ARSF: variants seen among roughly 807,000 people sequenced by gnomAD.
ARSF encodes arylsulfatase F.
ARSF carries 33 observed loss-of-function variants against 35.4 expected under a neutral mutation model. The observed-to-expected ratio is 0.93, with a 90% CI of 0.71 to 1.25. ARSF has a LOEUF of 1.25. Ranked by LOEUF, ARSF falls within the 50% of genes most tolerant of loss-of-function variation. The pLI is 0.00. For synonymous variants in ARSF, 222 were observed against 193.1 expected, an observed-to-expected ratio of 1.15 and a Z score of -1.24; for missense variants, 501 against 480.2, an observed-to-expected ratio of 1.04 and a Z score of -0.40.
chrX:3,072,197 T>C (rs1346724569), intron 3 of ARSF, 22 bp downstream of exon 3: 4 of 1,197,685 alleles, frequency 3.3e-6, no homozygotes. Context: ...TCATGGCCAG[T>C]CATACGTTCG....
intron 7 of ARSF, among the ~76,000 whole-genome samples, chrX:3,098,617 C>T (rs2090354976): frequency 9.0e-6 from 1 of 111,083 alleles, no homozygotes; most frequent in South Asian, 3.9e-4. Flanking sequence ...TAAGATGTGC[C>T]TTTCACCTCC....
intron 4 of ARSF, among the ~76,000 whole-genome samples, chrX:3,078,421 A>G (rs1268225546): frequency 9.0e-6 from 1 of 111,129 alleles, no homozygotes; most frequent in African/African-American, 3.3e-5. Flanking sequence ...AACTCAAGCC[A>G]TCTTCCCTCT....
intron 2 of ARSF, among the ~76,000 whole-genome samples, chrX:3,070,415 T>C (rs2090094864): frequency 9.1e-6 from 1 of 109,907 alleles, no homozygotes; most frequent in Admixed American, 9.7e-5. Flanking sequence ...GAAGTTAAGG[T>C]TAAATCCCTT....
At chrX:3,081,351 T>G (rs2090200380) in intron 5 of ARSF, among the ~76,000 whole-genome samples, 1 of 111,829 alleles carries the variant, frequency 8.9e-6, no homozygotes, top group African/African-American at 3.3e-5. Flanking sequence ...TTATTATTTT[T>G]AAAACAGAGG....
At chrX:3,104,843 C>T (rs1284587225) in intron 9 of ARSF, among the ~76,000 whole-genome samples, 2 of 111,961 alleles carry the variant, frequency 1.8e-5, no homozygotes, top group African/African-American at 6.5e-5. Flanking sequence ...GTAAAACTCA[C>T]TCATCTCTAT....
intron 2 of ARSF, among the ~76,000 whole-genome samples, chrX:3,069,482 C>T (rs886661058): frequency 2.4e-4 from 26 of 108,471 alleles, no homozygotes; most frequent in Non-Finnish European, 3.6e-4. Context: ...CACCACCACA[C>T]CCAGTTCATT....
chrX:3,073,825 C>T (rs1425510330), intron 3 of ARSF, among the ~76,000 whole-genome samples: 1 of 103,638 alleles, frequency 9.6e-6, no homozygotes, highest in Non-Finnish European at 2.0e-5. Context: ...ATTCTGTTTC[C>T]TAATTTGGTG....
At chrX:3,091,562 G>A (rs778980805) in intron 7 of ARSF, among the ~76,000 whole-genome samples, 5 of 112,604 alleles carry the variant, frequency 4.4e-5, no homozygotes, top group African/African-American at 9.7e-5. Context: ...ATAGAAAGAC[G>A]CTTTGGAAAA....
chrX:3,087,316 T>C (rs1280220373), intron 6 of ARSF, among the ~76,000 whole-genome samples: 1 of 111,993 alleles, frequency 8.9e-6, no homozygotes, highest in African/African-American at 3.2e-5. Context: ...TATTTAATGT[T>C]CAGAGCTGTG....
Position 3,110,063 on chromosome X carries a change from G to A in ARSF, c.1266-65G>A, listed in dbSNP as rs1357139728. 5 of 1,063,803 alleles carry A rather than the reference G, an allele frequency of 4.7e-6. No individual in the cohort carries two copies. In the Admixed American group the frequency reaches 1.5e-4, roughly 33 times the overall value. 87.7% of individuals were successfully genotyped at this position (1,063,803 alleles called of 1,213,427 possible). ...CGCAGTCTTCACCAAGTACCCTTCA[G>A]GTAGCTTGGGACCCAACGTCCCTTC... On this transcript the variant is annotated intron_variant, in intron 9 of 10. Transcript: ENST00000381127.
At chrX:3,095,528 T>C (rs2090332840) in intron 7 of ARSF, among the ~76,000 whole-genome samples, 1 of 109,426 alleles carries the variant, frequency 9.1e-6, no homozygotes, top group African/African-American at 3.3e-5. Flanking sequence ...ATATATTATG[T>C]ACATGTATAC....
chrX:3,062,076 A>C (rs1203637380), intron 1 of ARSF, among the ~76,000 whole-genome samples: 3 of 112,026 alleles, frequency 2.7e-5, no homozygotes, highest in African/African-American at 9.7e-5. Flanking sequence ...AGCAAATGTA[A>C]AAGAACAGAA....
At chrX:3,073,796 T>C (rs2090127426) in intron 3 of ARSF, among the ~76,000 whole-genome samples, 1 of 103,104 alleles carries the variant, frequency 9.7e-6, no homozygotes, top group Admixed American at 1.1e-4. Flanking sequence ...AATGTGAATA[T>C]GTATATTCAG....
intron 9 of ARSF, among the ~76,000 whole-genome samples, chrX:3,106,962 A>C (rs1468050670): frequency 1.8e-5 from 2 of 112,133 alleles, no homozygotes; most frequent in Admixed American, 9.5e-5. Flanking sequence ...CCCTGATGTA[A>C]AATACTGTAG....
At chrX:3,080,480 A>T (rs2090192770) in intron 4 of ARSF, among the ~76,000 whole-genome samples, 1 of 109,822 alleles carries the variant, frequency 9.1e-6, no homozygotes, top group Non-Finnish European at 1.9e-5. Context: ...CTCAAAAAAA[A>T]AAAAAGATCT....
chrX:3,096,766 G>A (rs1294337877), intron 7 of ARSF, among the ~76,000 whole-genome samples: 2 of 111,284 alleles, frequency 1.8e-5, no homozygotes, highest in Non-Finnish European at 3.8e-5. Context: ...AAATCAAGGT[G>A]GCAGGGGTGA....
chrX:3,096,943 A>G (rs190924023), intron 7 of ARSF, among the ~76,000 whole-genome samples: 1 of 111,130 alleles, frequency 9.0e-6, no homozygotes, highest in Admixed American at 9.6e-5. Context: ...CTAATCCGAT[A>G]TGGTGAATTA....
intron 1 of ARSF, among the ~76,000 whole-genome samples, chrX:3,055,273 C>T (rs1043316460): frequency 1.7e-4 from 16 of 95,557 alleles, no homozygotes; most frequent in Admixed American, 2.5e-4. Context: ...ACCTGGGAGG[C>T]GGAGGTTGCA....
chrX:3,079,403 T>G (rs1485617472), intron 4 of ARSF, among the ~76,000 whole-genome samples: 1 of 101,127 alleles, frequency 9.9e-6, no homozygotes, highest in Non-Finnish European at 2.0e-5. Flanking sequence ...TGGAGTGCAA[T>G]GGCGCAATCT....
Sources: allele counts gnomAD v4.1 joint callset (sites outside exome capture counted in the v4.1 genomes callset), GRCh38; gene constraint gnomAD v4.1.1; transcripts MANE v1.5; gene names NCBI Gene and HGNC (gene_info 2026-07-23, HGNC 2026-07-21).